ROBO1: variants seen among roughly 807,000 people sequenced by gnomAD.
The protein encoded by ROBO1 is roundabout guidance receptor 1, also known as roundabout homolog 1.
Under a neutral mutation model 195.9 loss-of-function variants are expected in ROBO1, and 149 were observed. That is an observed-to-expected ratio of 0.76 (90% CI 0.67 to 0.87). The LOEUF (loss-of-function observed/expected upper bound fraction) is 0.87, where lower values mean the gene tolerates loss of function less well. Ranked by LOEUF, ROBO1 falls within the 40% of genes least tolerant of loss-of-function variation. The pLI, the probability that ROBO1 is intolerant of heterozygous loss-of-function variation, is 0.00. For synonymous variants in ROBO1, 816 were observed against 733.2 expected (o/e 1.11, Z -1.82); for missense variants, 1,933 against 2,068.3 (o/e 0.93, Z 1.27).
At chr3:78,645,286 A>G (rs1434508377) in intron 21 of ROBO1, among the ~76,000 whole-genome samples, 1 of 151,996 alleles carries the variant, frequency 6.6e-6, no homozygotes, top group Admixed American at 6.6e-5. Context: ...TGTTCCTTGA[A>G]TTTAGGAATA....
chr3:79,539,631 G>A (rs1228579996), intron 2 of ROBO1, among the ~76,000 whole-genome samples: 2 of 152,150 alleles, frequency 1.3e-5, no homozygotes, highest in South Asian at 2.1e-4. Context: ...AGTCAAGGGT[G>A]TTTATTCAAA....
At chr3:79,548,584 C>T (rs548287757) in intron 2 of ROBO1, among the ~76,000 whole-genome samples, 2 of 152,214 alleles carry the variant, frequency 1.3e-5, no homozygotes, top group South Asian at 4.1e-4. Flanking sequence ...TTGAAATGGG[C>T]ACTTATTTCA....
chr3:78,665,328 T>C (rs1465027144), intron 14 of ROBO1, among the ~76,000 whole-genome samples: 3 of 152,180 alleles, frequency 2.0e-5, no homozygotes, highest in Non-Finnish European at 4.4e-5. Flanking sequence ...ATGGGTGTTT[T>C]ATTTTAAAGT....
At chr3:78,714,662 C>T in intron 7 of ROBO1, 138 bp from the exon 8 acceptor site, 1 of 685,814 alleles carries the variant, frequency 1.5e-6, no homozygotes, top group Non-Finnish European at 2.2e-6. Flanking sequence ...TGGTATTCCT[C>T]TAAGTCAGCT....
intron 21 of ROBO1, among the ~76,000 whole-genome samples, chr3:78,642,384 G>C (rs187024059): frequency 6.6e-6 from 1 of 152,274 alleles, no homozygotes; most frequent in Admixed American, 6.5e-5. Context: ...GAAGGAGGCT[G>C]GCAGGAAGCC....
chr3:78,974,712 G>T (rs187241733), intron 3 of ROBO1, among the ~76,000 whole-genome samples: 14 of 152,124 alleles, frequency 9.2e-5, no homozygotes, highest in African/African-American at 3.4e-4. Flanking sequence ...ACATCTAATG[G>T]TTTTTCTATC....
intron 9 of ROBO1, among the ~76,000 whole-genome samples, chr3:78,686,494 G>C (rs1226814467): frequency 6.6e-6 from 1 of 151,056 alleles, no homozygotes; most frequent in Non-Finnish European, 1.5e-5. Flanking sequence ...GGCGGAGCTT[G>C]CAGTGAGTCA....
At chr3:79,632,453 A>G (rs1456715614) in intron 1 of ROBO1, among the ~76,000 whole-genome samples, 1 of 152,156 alleles carries the variant, frequency 6.6e-6, no homozygotes, top group Non-Finnish European at 1.5e-5. Flanking sequence ...CAGAAAAATA[A>G]CAGACACTGA....
chr3:79,103,579 C>T (rs1297807993), intron 3 of ROBO1, among the ~76,000 whole-genome samples: 1 of 151,706 alleles, frequency 6.6e-6, no homozygotes, highest in Non-Finnish European at 1.5e-5. Context: ...TTTTTGTCGA[C>T]ATCTAACAAA....
chr3:78,632,678 A>AAC (rs1367916818), intron 24 of ROBO1, among the ~76,000 whole-genome samples: 1 of 152,192 alleles, frequency 6.6e-6, no homozygotes, highest in East Asian at 1.9e-4. Context: ...ATAGCAGTAG[A>AAC]ACACCCAGAT....
intron 2 of ROBO1, among the ~76,000 whole-genome samples, chr3:79,248,140 C>A (rs2082657207): frequency 6.6e-6 from 1 of 152,046 alleles, no homozygotes; most frequent in African/African-American, 2.4e-5. Flanking sequence ...ATATTGTCAT[C>A]AGCTTCCAGC....
In ROBO1 at chr3:79,391,888, A is replaced by G. The variant is rs915896958; in HGVS notation, c.88+197936T>C. On this transcript the variant is annotated intron_variant, in intron 2 of 30. Coordinates refer to ENST00000464233, the MANE Select transcript of ROBO1 (RefSeq NM_002941.4). ...TGAAATCAACAGTCAAATGAACTAT[A>G]GTTCCCAAAAGACAAATCTACAAGT... is the stretch of plus-strand genomic sequence containing the variant. Among the ~76,000 whole-genome samples the G allele has an allele frequency of 4.6e-5, 7 of 152,358 alleles. No individual in the cohort carries two copies. The East Asian group carries it at 1.2e-3, about 25-fold the overall frequency.
intron 2 of ROBO1, among the ~76,000 whole-genome samples, chr3:79,149,707 T>C (rs1050484306): frequency 6.6e-6 from 1 of 151,830 alleles, no homozygotes; most frequent in Non-Finnish European, 1.5e-5. Context: ...TCTGTGCCTC[T>C]GGACTGTGAA....
chr3:78,797,082 ATTTTCTAACT>A (rs913776373), intron 4 of ROBO1, among the ~76,000 whole-genome samples: 1 of 151,948 alleles, frequency 6.6e-6, no homozygotes, highest in African/African-American at 2.4e-5. Context: ...CCTCTTGAAG[ATTTTCTAACT>A]TTCTAAAACT....
intron 5 of ROBO1, among the ~76,000 whole-genome samples, chr3:78,738,409 G>C (rs1312780569): frequency 6.6e-6 from 1 of 152,082 alleles, no homozygotes; most frequent in African/African-American, 2.4e-5. Flanking sequence ...TATTGGTTTT[G>C]TTTTGTTTTT....
intron 2 of ROBO1, among the ~76,000 whole-genome samples, chr3:79,522,636 A>C (rs1338663172): frequency 1.3e-5 from 2 of 152,192 alleles, no homozygotes; most frequent in African/African-American, 4.8e-5. Flanking sequence ...AAGGGAACTT[A>C]ATAAACCCCT....
At chr3:79,524,000 G>GTAATC (rs1941323360) in intron 2 of ROBO1, among the ~76,000 whole-genome samples, 1 of 152,042 alleles carries the variant, frequency 6.6e-6, no homozygotes, top group Admixed American at 6.6e-5. Context: ...TTATGAGAAA[G>GTAATC]TAATCTACCT....
intron 1 of ROBO1, among the ~76,000 whole-genome samples, chr3:79,618,320 C>T (rs904070953): frequency 8.5e-5 from 13 of 152,154 alleles, no homozygotes; most frequent in African/African-American, 3.1e-4. Context: ...TGTCAGGCCT[C>T]TGAGCCCACA....
chr3:79,243,349 A>C (rs2082558812), intron 2 of ROBO1, among the ~76,000 whole-genome samples: 1 of 152,316 alleles, frequency 6.6e-6, no homozygotes, highest in South Asian at 2.1e-4. Context: ...GTATATACCC[A>C]GTAATGGGAT....
Sources: allele counts gnomAD v4.1 joint callset (sites outside exome capture counted in the v4.1 genomes callset), GRCh38; gene constraint gnomAD v4.1.1; transcripts MANE v1.5; gene names NCBI Gene and HGNC (gene_info 2026-07-23, HGNC 2026-07-21).